Variants in USP14 observed in about 807,000 individuals in gnomAD.
USP14 encodes the protein ubiquitin specific peptidase 14.
In USP14, 38 loss-of-function variants were observed where a neutral mutation model predicts 76.5. That is an observed-to-expected ratio of 0.50 (90% CI 0.38 to 0.65). The LOEUF is 0.65. Among genes scored for constraint, USP14 ranks in the 30% least tolerant of loss-of-function variants. The pLI, the probability that USP14 is intolerant of heterozygous loss-of-function variation, is 0.00. For synonymous variants in USP14, 192 were observed against 191.7 expected (o/e 1.00, Z -0.01); for missense variants, 467 against 586.5 (o/e 0.80, Z 2.10).
At chr18:175,559 T>G (rs1909604287) in intron 3 of USP14, among the ~76,000 whole-genome samples, 1 of 152,222 alleles carries the variant, frequency 6.6e-6, no homozygotes, top group Non-Finnish European at 1.5e-5. Flanking sequence ...GAACTTATAT[T>G]CTTGGGATAA....
chr18:171,025 A>AAATATATATATATATATATATAT (rs1327304974), intron 3 of USP14, among the ~76,000 whole-genome samples: 17 of 47,638 alleles, frequency 3.6e-4, no homozygotes, highest in Admixed American at 5.8e-4. Context: ...AAAAAAAAAA[A>AAATATATATATATATATATATAT]ATATATATAT....
rs554797989 is a variant in USP14, at chr18:211,193, G to A, written c.1394G>A (p.Arg465Gln). Reference sequence around the variant, plus strand: ...ATCGTAACACCAGAAGATATCTTACGGCTTTCTGGTGGTGGAGACTGGCAT... The same window carrying A: ...ATCGTAACACCAGAAGATATCTTACAGCTTTCTGGTGGTGGAGACTGGCAT... ...VSIVTPEDIL[R>Q]LSGGGDWHIA... The change falls in exon 16 of 16, where the codon CGG becomes CAG. Residue 465 changes from arginine to glutamine, a missense_variant. Arg to Gln is a conservative substitution (Grantham distance 43, BLOSUM62 1). Transcript: ENST00000261601. The A allele has an allele frequency of 9.9e-6, 16 of 1,613,900 alleles. No homozygotes were observed. Among genetic ancestry groups the A allele is most frequent in the Non-Finnish European group, 1.3e-5 (15 of 1,179,876 alleles).
chr18:198,194 A>G (rs1910292302), intron 9 of USP14, 62 bp downstream of exon 9: 3 of 1,385,576 alleles, frequency 2.2e-6, no homozygotes, highest in Non-Finnish European at 2.9e-6. Context: ...CATAAATAGC[A>G]TCATTGGCTG....
chr18:210,894 G>A (rs1440006313), intron 15 of USP14, among the ~76,000 whole-genome samples: 2 of 152,248 alleles, frequency 1.3e-5, no homozygotes, highest in African/African-American at 4.8e-5. Context: ...GAGTACACTT[G>A]AGAGAATGTG....
chr18:198,720 TTA>T (rs1159992761), intron 9 of USP14, among the ~76,000 whole-genome samples: 3 of 152,150 alleles, frequency 2.0e-5, no homozygotes, highest in Non-Finnish European at 4.4e-5. Flanking sequence ...TTCATTCACC[TTA>T]TAAAGAATTA....
chr18:202,236 G>A, intron 10 of USP14, among the ~76,000 whole-genome samples: 1 of 152,178 alleles, frequency 6.6e-6, no homozygotes, highest in East Asian at 1.9e-4. Context: ...TGTACTGACT[G>A]TAATTCTAAC....
At chr18:190,653 C>T (rs115907518) in intron 5 of USP14, among the ~76,000 whole-genome samples, 4,530 of 152,170 alleles carry the variant, frequency 0.03, 206 homozygotes, top group African/African-American at 0.1. Flanking sequence ...CTAGAAAAGT[C>T]AAAATGTCCT....
In USP14 at chr18:162,174, G is replaced by A. The variant is rs1046575334; in HGVS notation, c.17-1134G>A. ...ACACTTGAGTTGCTCCCACTTTTTC[G>A]GCTGTTGTGAATAATGCTGCTGTAA... On this transcript the variant is annotated intron_variant, in intron 1 of 15. Transcript: ENST00000261601. 4.6e-5 allele frequency among the ~76,000 whole-genome samples: 7 copies of A among 151,966 alleles called. No individual in the cohort carries two copies. In the East Asian group the frequency reaches 5.8e-4, roughly 13 times the overall value.
At chr18:189,293 C>T (rs1386900710) in intron 5 of USP14, among the ~76,000 whole-genome samples, 1 of 151,904 alleles carries the variant, frequency 6.6e-6, no homozygotes. Context: ...TTACCTTAGG[C>T]TTGTTTTATT....
At chr18:194,710 C>G (rs1192468197) in intron 6 of USP14, among the ~76,000 whole-genome samples, 2 of 152,150 alleles carry the variant, frequency 1.3e-5, no homozygotes, top group Admixed American at 6.5e-5. Flanking sequence ...GCGGGCAGAT[C>G]ACTTAAGGCC....
At chr18:194,807 T>C (rs987185570) in intron 6 of USP14, among the ~76,000 whole-genome samples, 1 of 152,166 alleles carries the variant, frequency 6.6e-6, no homozygotes, top group African/African-American at 2.4e-5. Flanking sequence ...GGTGCATGTC[T>C]GTAATCCCAG....
In USP14 at chr18:209,956, T is replaced by C. The variant is rs758760898; in HGVS notation, c.1165-15T>C. 2 of 1,571,730 alleles carry C rather than the reference T, an allele frequency of 1.3e-6. No homozygotes were observed. The highest frequency in any genetic ancestry group is 1.2e-5 in the South Asian group (1 of 85,070). On this transcript the variant is annotated splice_polypyrimidine_tract_variant and intron_variant, in intron 13 of 15. Coordinates refer to ENST00000261601, the MANE Select transcript of USP14 (RefSeq NM_005151.4). ...CAAAATCATGATTTAAAATTAAACATTTTTTTCTCCTCAGAGTGACAAAAA... is the reference window on the plus strand; with the variant it reads ...CAAAATCATGATTTAAAATTAAACACTTTTTTCTCCTCAGAGTGACAAAAA...
chr18:182,878 C>T (rs906383831), intron 5 of USP14, among the ~76,000 whole-genome samples: 3 of 152,074 alleles, frequency 2.0e-5, no homozygotes, highest in Non-Finnish European at 2.9e-5. Context: ...GATGTAGAAA[C>T]GGTGATAGAT....
chr18:163,342 T>A lies in USP14; in HGVS notation c.51T>A (p.Gly17=). The change falls in exon 2 of 16, where the codon GGT becomes GGA. Residue 17 remains glycine (G), a synonymous_variant. Transcript: ENST00000261601. ...AATGGGGAAAGGAGAAATTTGAAGGTGTAGAATTGAATACAGATGAACCTC... is the reference window on the plus strand; with the variant it reads ...AATGGGGAAAGGAGAAATTTGAAGGAGTAGAATTGAATACAGATGAACCTC... ...TVKWGKEKFE[G]VELNTDEPPM... 1 of 1,613,094 alleles carries A rather than the reference T, an allele frequency of 6.2e-7. No individual in the cohort carries two copies. Among genetic ancestry groups the A allele is most frequent in the Non-Finnish European group, 8.5e-7 (1 of 1,179,558 alleles).
chr18:183,393 C>T (rs1340950159), intron 5 of USP14, among the ~76,000 whole-genome samples: 2 of 151,660 alleles, frequency 1.3e-5, no homozygotes, highest in African/African-American at 4.8e-5. Flanking sequence ...TAAAAGTACT[C>T]AGTGAGCACT....
intron 6 of USP14, 107 bp from the exon 7 acceptor site, chr18:196,530 A>G: frequency 1.5e-6 from 2 of 1,368,120 alleles, no homozygotes; most frequent in Non-Finnish European, 1.9e-6. Context: ...TCTCAAAAAA[A>G]AAAAAAATTA....
chr18:184,316 G>A (rs1909868261), intron 5 of USP14, among the ~76,000 whole-genome samples: 2 of 152,158 alleles, frequency 1.3e-5, no homozygotes, highest in Admixed American at 6.5e-5. Flanking sequence ...ATGGTGGTAT[G>A]TCTTTGGAAA....
intron 3 of USP14, among the ~76,000 whole-genome samples, chr18:178,429 T>C (rs1909690016): frequency 6.6e-6 from 1 of 152,220 alleles, no homozygotes; most frequent in Non-Finnish European, 1.5e-5. Context: ...GGTGTTTTTA[T>C]GGCAATACTT....
Position 203,204 on chromosome 18 carries a change from T to A in USP14, c.1035+14T>A. 6.3e-7 allele frequency: 1 copy of A among 1,596,998 alleles called. No homozygotes were observed. The highest frequency in any genetic ancestry group is 1.1e-5 in the South Asian group (1 of 88,560). On this transcript the variant is annotated intron_variant, in intron 12 of 15. Transcript: ENST00000261601. Reference sequence around the variant, plus strand: ...AAAGTTCTTAAGGTTAGTAATGAACTTTACTTTGTATAAGAAATGTAATTC... The same window carrying A: ...AAAGTTCTTAAGGTTAGTAATGAACATTACTTTGTATAAGAAATGTAATTC...
Sources: gnomAD v4.1 joint callset for allele counts (sites outside exome capture counted in the v4.1 genomes callset) on GRCh38, gnomAD v4.1.1 for gene constraint, MANE v1.5 for transcripts, NCBI Gene and HGNC (gene_info 2026-07-23, HGNC 2026-07-21) for gene names.